SYNE1: variants seen among roughly 807,000 people sequenced by gnomAD.
SYNE1 encodes the protein nesprin-1.
A neutral mutation model predicts 1,111.0 loss-of-function variants in SYNE1; 616 were observed. The observed-to-expected ratio is 0.55, with a 90% CI of 0.52 to 0.59. The LOEUF is 0.59. Ranked by LOEUF, SYNE1 falls within the 20% of genes least tolerant of loss-of-function variation. The pLI is 0.00. For missense variants in SYNE1, 10,006 were observed against 10,417.0 expected, an observed-to-expected ratio of 0.96 and a Z score of 1.72; for synonymous variants, 3,855 against 3,825.8, an observed-to-expected ratio of 1.01 and a Z score of -0.28.
chr6:152,365,137 TC>T, intron 62 of SYNE1, 118 bp from the exon 63 acceptor site: 1 of 1,306,716 alleles, frequency 7.7e-7, no homozygotes, highest in Non-Finnish European at 1.1e-6. Context: ...GCCCTGGAGC[TC>T]CCAGTCGGCT....
intron 14 of SYNE1, among the ~76,000 whole-genome samples, chr6:152,473,668 G>A (rs761599243): frequency 6.6e-6 from 1 of 152,118 alleles, no homozygotes; most frequent in Non-Finnish European, 1.5e-5. Flanking sequence ...TGTTCTTAGA[G>A]CAGCTATTGA....
At chr6:152,221,610 T>C in intron 117 of SYNE1, 51 bp from the exon 118 acceptor site, 5 of 1,610,144 alleles carry the variant, frequency 3.1e-6, no homozygotes, top group Non-Finnish European at 4.2e-6. Flanking sequence ...TAAATTCTAA[T>C]AAGCAAGTTT....
In SYNE1 at chr6:152,283,962, T is replaced by A. The variant is rs1197111971; in HGVS notation, c.18207+16A>T. The A allele has an allele frequency of 6.2e-7, 1 of 1,607,688 alleles. No individual in the cohort carries two copies. The highest frequency in any genetic ancestry group is 8.5e-7 in the Non-Finnish European group (1 of 1,174,202). On this transcript the variant is annotated intron_variant, in intron 96 of 145. Transcript: ENST00000367255. The stretch of plus-strand genomic sequence containing the variant: ...TAACTCAGAAGTGAGGAGGCCACTT[T>A]ACAGTTATTGGTTACCTCCAAAAGC...
chr6:152,303,130 T>G (rs2095258267), intron 91 of SYNE1, among the ~76,000 whole-genome samples: 2 of 147,508 alleles, frequency 1.4e-5, no homozygotes, highest in Non-Finnish European at 3.0e-5. Flanking sequence ...CTTCTTTGTT[T>G]CAGAGGCTGT....
chr6:152,565,606 G>A (rs554971371), intron 3 of SYNE1, among the ~76,000 whole-genome samples: 5 of 151,394 alleles, frequency 3.3e-5, no homozygotes, highest in Middle Eastern at 3.4e-3. Context: ...AAGGGTCAAA[G>A]GTTGCTAAAC....
At chr6:152,290,009 G>A (rs1312905656) in intron 95 of SYNE1, among the ~76,000 whole-genome samples, 1 of 148,060 alleles carries the variant, frequency 6.8e-6, no homozygotes, top group East Asian at 2.0e-4. Flanking sequence ...GCCCAACCCT[G>A]CTTAACTTCC....
At position 152,132,836 on chromosome 6, in the gene SYNE1, A is replaced by T. The variant is rs139007825; in HGVS notation, c.26001+440T>A. Among the ~76,000 whole-genome samples, 1,038 of 152,006 alleles carry T rather than the reference A, an allele frequency of 6.8e-3. 5 individuals carry two copies. Among genetic ancestry groups the T allele is most frequent in the Middle Eastern group, 0.041 (12 of 292 alleles). On this transcript the variant is annotated intron_variant, in intron 143 of 145. Transcript: ENST00000367255. ...CAATGGAGTTGATTGTAGAAAAAAA[A>T]ATATAAAAAATTAAATGAGCAGAGG...
chr6:152,374,064 A>G (rs2097236312), intron 58 of SYNE1, among the ~76,000 whole-genome samples: 1 of 152,234 alleles, frequency 6.6e-6, no homozygotes, highest in Non-Finnish European at 1.5e-5. Flanking sequence ...TATTAAATGG[A>G]GCAGATTACA....
At chr6:152,321,213 C>T (rs372932995) in intron 84 of SYNE1, 25 bp downstream of exon 84, 201 of 1,612,636 alleles carry the variant, frequency 1.2e-4, no homozygotes, top group Middle Eastern at 1.2e-3. Flanking sequence ...AATGGAAAGA[C>T]ACTCTTTCTT....
At chr6:152,363,489 G>A (rs960962390) in intron 63 of SYNE1, among the ~76,000 whole-genome samples, 14 of 147,432 alleles carry the variant, frequency 9.5e-5, no homozygotes, top group Middle Eastern at 3.5e-3. Context: ...GCAAGACTCC[G>A]TCTCAAACTA....
intron 64 of SYNE1, among the ~76,000 whole-genome samples, chr6:152,361,041 C>T (rs1591058166): frequency 6.6e-6 from 1 of 152,084 alleles, no homozygotes; most frequent in Non-Finnish European, 1.5e-5. Flanking sequence ...CAAGCCTGAG[C>T]GGTGGTGGTG....
intron 74 of SYNE1, 63 bp downstream of exon 74, chr6:152,344,018 C>A (rs1318942168): frequency 1.1e-5 from 18 of 1,609,028 alleles, no homozygotes; most frequent in Non-Finnish European, 1.4e-5. Context: ...AGGTACTTCA[C>A]ACATTTTCAC....
At chr6:152,375,799 A>C (rs1002815583) in intron 58 of SYNE1, among the ~76,000 whole-genome samples, 1 of 152,134 alleles carries the variant, frequency 6.6e-6, no homozygotes, top group Non-Finnish European at 1.5e-5. Flanking sequence ...CATAGAAAAA[A>C]CGTTTTATTA....
chr6:152,458,617 A>G, intron 22 of SYNE1, 140 bp downstream of exon 22: 2 of 812,960 alleles, frequency 2.5e-6, no homozygotes, highest in Non-Finnish European at 4.0e-6. Flanking sequence ...TGGACAAGAC[A>G]TGTATTTTTG....
At chr6:152,375,838 A>G (rs1291925989) in intron 58 of SYNE1, among the ~76,000 whole-genome samples, 2 of 152,242 alleles carry the variant, frequency 1.3e-5, no homozygotes, top group African/African-American at 2.4e-5. Context: ...ATATATAAAA[A>G]TAGTGTGCAT....
At chr6:152,442,324 A>G (rs2154233808) in intron 30 of SYNE1, 79 bp from the exon 31 acceptor site, 1 of 1,553,650 alleles carries the variant, frequency 6.4e-7, no homozygotes, top group Non-Finnish European at 8.8e-7. Context: ...CCCACGCTTA[A>G]CAGAAGTACA....
At chr6:152,606,492 G>T (rs2099615048) in intron 3 of SYNE1, among the ~76,000 whole-genome samples, 1 of 152,142 alleles carries the variant, frequency 6.6e-6, no homozygotes, top group South Asian at 2.1e-4. Context: ...CTGGACCACA[G>T]GAGATGCTCA....
chr6:152,388,712 T>C (rs2097561158), intron 53 of SYNE1, among the ~76,000 whole-genome samples: 1 of 152,376 alleles, frequency 6.6e-6, no homozygotes, highest in South Asian at 2.1e-4. Context: ...AAAACCTTTC[T>C]GTTTTATTTC....
chr6:152,304,449 C>T (rs1393330437), intron 91 of SYNE1, among the ~76,000 whole-genome samples: 1 of 152,196 alleles, frequency 6.6e-6, no homozygotes, highest in Non-Finnish European at 1.5e-5. Flanking sequence ...ATTCTCTTGC[C>T]TCAGCCTCCC....
Sources: gnomAD v4.1 joint callset for allele counts (sites outside exome capture counted in the v4.1 genomes callset) on GRCh38, gnomAD v4.1.1 for gene constraint, MANE v1.5 for transcripts, NCBI Gene and HGNC (gene_info 2026-07-23, HGNC 2026-07-21) for gene names.